Variants in MACROD2 observed in about 807,000 individuals in gnomAD.
MACROD2 encodes mono-ADP ribosylhydrolase 2, also known as ADP-ribose glycohydrolase MACROD2.
Under a neutral mutation model 70.4 loss-of-function variants are expected in MACROD2, and 36 were observed. The observed-to-expected ratio is 0.51, with a 90% CI of 0.39 to 0.68. The LOEUF (loss-of-function observed/expected upper bound fraction) is 0.68, where lower values mean the gene tolerates loss of function less well. MACROD2 is among the 30% of genes least tolerant of loss of function. MACROD2 has a pLI of 0.00. For missense variants in MACROD2, 496 were observed against 538.4 expected, an observed-to-expected ratio of 0.92 and a Z score of 0.78; for synonymous variants, 172 against 178.8, an observed-to-expected ratio of 0.96 and a Z score of 0.30.
At position 15,748,230 on chromosome 20, in the gene MACROD2, C is replaced by T. The variant is rs116052870; in HGVS notation, c.646-114515C>T. Among the ~76,000 whole-genome samples the T allele has an allele frequency of 7.5e-3, 1,147 of 152,286 alleles. 14 individuals carry two copies. Among genetic ancestry groups the T allele is most frequent in the African/African-American group, 0.026 (1,101 of 41,570 alleles). ...CCTCCTACAAAGAATGGGGCACTGT[C>T]AGTCTGGGACTACTTCAGTCAAATT... is the stretch of plus-strand genomic sequence containing the variant. On this transcript the variant is annotated intron_variant, in intron 8 of 17. Coordinates refer to ENST00000684519, the MANE Select transcript of MACROD2 (RefSeq NM_001351661.2).
At chr20:15,447,177 A>C (rs1172287963) in intron 7 of MACROD2, among the ~76,000 whole-genome samples, 1 of 151,994 alleles carries the variant, frequency 6.6e-6, no homozygotes, top group Non-Finnish European at 1.5e-5. Flanking sequence ...AGAGGTAAAA[A>C]ATAGGAATTG....
At chr20:16,002,605 G>A (rs1210094275) in intron 15 of MACROD2, among the ~76,000 whole-genome samples, 1 of 152,140 alleles carries the variant, frequency 6.6e-6, no homozygotes, top group Non-Finnish European at 1.5e-5. Flanking sequence ...ATGAAACAAG[G>A]AATACAGGTG....
At chr20:15,359,754 A>G (rs1176727059) in intron 6 of MACROD2, among the ~76,000 whole-genome samples, 6 of 152,284 alleles carry the variant, frequency 3.9e-5, no homozygotes, top group Middle Eastern at 6.8e-3. Flanking sequence ...TGAAATAACT[A>G]TAAATTCACA....
chr20:14,702,013 T>C (rs2071202094), intron 5 of MACROD2, among the ~76,000 whole-genome samples: 2 of 152,176 alleles, frequency 1.3e-5, no homozygotes, highest in Non-Finnish European at 2.9e-5. Flanking sequence ...TCTATAGCTC[T>C]GCACTTATAA....
At chr20:15,186,710 A>T (rs1460434124) in intron 5 of MACROD2, among the ~76,000 whole-genome samples, 1 of 152,206 alleles carries the variant, frequency 6.6e-6, no homozygotes, top group Non-Finnish European at 1.5e-5. Flanking sequence ...ACTGAAATTT[A>T]TATGTCCTTC....
At chr20:15,636,616 A>G (rs999748392) in intron 8 of MACROD2, among the ~76,000 whole-genome samples, 5 of 152,168 alleles carry the variant, frequency 3.3e-5, no homozygotes, top group Non-Finnish European at 7.3e-5. Context: ...AAAGTGCATC[A>G]TTAGCTGGGT....
chr20:15,626,784 G>A (rs1300074612), intron 8 of MACROD2, among the ~76,000 whole-genome samples: 1 of 152,158 alleles, frequency 6.6e-6, no homozygotes, highest in African/African-American at 2.4e-5. Context: ...GAACCCAGGA[G>A]ATGGAGGTTG....
intron 6 of MACROD2, among the ~76,000 whole-genome samples, chr20:15,316,930 AAAATT>A (rs1215199985): frequency 1.3e-5 from 2 of 152,124 alleles, no homozygotes; most frequent in African/African-American, 4.8e-5. Flanking sequence ...TGTGAAAAAT[AAAATT>A]AAATAACACA....
intron 6 of MACROD2, among the ~76,000 whole-genome samples, chr20:15,406,127 T>C (rs2045997717): frequency 6.6e-6 from 1 of 152,196 alleles, no homozygotes; most frequent in South Asian, 2.1e-4. Context: ...CTCCTCTAAG[T>C]TGCCATCATT....
chr20:15,601,265 G>A (rs764152869), intron 8 of MACROD2, among the ~76,000 whole-genome samples: 23 of 151,970 alleles, frequency 1.5e-4, no homozygotes, highest in Non-Finnish European at 3.1e-4. Context: ...ATCTTTTCAC[G>A]CCTCTCAGGA....
intron 8 of MACROD2, among the ~76,000 whole-genome samples, chr20:15,626,395 T>C (rs547213891): frequency 6.6e-6 from 1 of 152,346 alleles, no homozygotes; most frequent in South Asian, 2.1e-4. Context: ...CACACAGAAA[T>C]TTTGTTTGAC....
At chr20:14,576,071 G>C (rs192813077) in intron 4 of MACROD2, among the ~76,000 whole-genome samples, 8 of 152,246 alleles carry the variant, frequency 5.3e-5, no homozygotes, top group Admixed American at 5.2e-4. Flanking sequence ...ACAGGCACAC[G>C]ATCTTTTAGA....
intron 5 of MACROD2, among the ~76,000 whole-genome samples, chr20:15,050,971 G>A (rs2075435225): frequency 6.6e-6 from 1 of 151,978 alleles, no homozygotes; most frequent in Admixed American, 6.5e-5. Context: ...GAACAAAGAG[G>A]TTTTGTTCCA....
At chr20:14,423,791 T>G (rs1305371827) in intron 3 of MACROD2, among the ~76,000 whole-genome samples, 2 of 123,782 alleles carry the variant, frequency 1.6e-5, no homozygotes, top group Admixed American at 1.7e-4. Context: ...AGACGGAGTT[T>G]CGCTCTTTTC....
intron 5 of MACROD2, among the ~76,000 whole-genome samples, chr20:14,848,836 G>A (rs2073169685): frequency 6.6e-6 from 1 of 152,036 alleles, no homozygotes; most frequent in Non-Finnish European, 1.5e-5. Flanking sequence ...TTACCTCTTG[G>A]GAGAGTTTGT....
intron 7 of MACROD2, among the ~76,000 whole-genome samples, chr20:15,438,186 G>A (rs1053951103): frequency 1.3e-5 from 2 of 152,010 alleles, no homozygotes; most frequent in Non-Finnish European, 2.9e-5. Flanking sequence ...ATTCCTCTGG[G>A]TATATAACTA....
intron 3 of MACROD2, among the ~76,000 whole-genome samples, chr20:14,164,143 G>T (rs1258704752): frequency 6.6e-6 from 1 of 152,038 alleles, no homozygotes; most frequent in Non-Finnish European, 1.5e-5. Flanking sequence ...GTATTGGTTG[G>T]ATAGGGCACT....
chr20:15,673,153 C>G (rs1341507865), intron 8 of MACROD2, among the ~76,000 whole-genome samples: 1 of 152,090 alleles, frequency 6.6e-6, no homozygotes, highest in East Asian at 1.9e-4. Flanking sequence ...ACATGGAGCT[C>G]CAGAATGAAC....
chr20:14,618,813 C>G (rs771325183), intron 4 of MACROD2, among the ~76,000 whole-genome samples: 10 of 152,106 alleles, frequency 6.6e-5, no homozygotes, highest in Non-Finnish European at 1.3e-4. Flanking sequence ...GAAAAGGAGA[C>G]AATGAGATGC....
Sources: gnomAD v4.1 joint callset for allele counts (sites outside exome capture counted in the v4.1 genomes callset) on GRCh38, gnomAD v4.1.1 for gene constraint, MANE v1.5 for transcripts, NCBI Gene and HGNC (gene_info 2026-07-23, HGNC 2026-07-21) for gene names.